Variants in RIPOR2 observed in about 807,000 individuals in gnomAD.
RIPOR2 encodes RHO family interacting cell polarization regulator 2, also known as rho family-interacting cell polarization regulator 2.
RIPOR2 carries 39 observed loss-of-function variants against 114.5 expected under a neutral mutation model. The ratio of observed to expected loss-of-function variants is 0.34; its 90% CI spans 0.26 to 0.44. RIPOR2 has a LOEUF of 0.44. Ranked by LOEUF, RIPOR2 falls within the 20% of genes least tolerant of loss-of-function variation. RIPOR2 has a pLI of 1.00. For synonymous variants in RIPOR2, 445 were observed against 484.4 expected, an observed-to-expected ratio of 0.92 and a Z score of 1.07; for missense variants, 1,007 against 1,255.1, an observed-to-expected ratio of 0.80 and a Z score of 2.99.
chr6:25,009,185 G>T (rs1775678918), intron 1 of RIPOR2, among the ~76,000 whole-genome samples: 1 of 152,244 alleles, frequency 6.6e-6, no homozygotes, highest in African/African-American at 2.4e-5. Context: ...GGAGCACAAA[G>T]GGAAGAGGAG....
chr6:24,848,352 C>A (rs1440402976), intron 11 of RIPOR2, among the ~76,000 whole-genome samples, 198 bp from the exon 12 acceptor site: 1 of 152,212 alleles, frequency 6.6e-6, no homozygotes, highest in African/African-American at 2.4e-5. Context: ...AGTCTAGACT[C>A]ACCCAAGGGA....
At chr6:24,953,179 C>G (rs1490078261) in intron 1 of RIPOR2, among the ~76,000 whole-genome samples, 3 of 151,982 alleles carry the variant, frequency 2.0e-5, no homozygotes, top group African/African-American at 7.3e-5. Flanking sequence ...ACTAAAAATA[C>G]AAAATTAGCC....
chr6:24,900,231 C>T (rs1157489918), intron 1 of RIPOR2, among the ~76,000 whole-genome samples: 1 of 152,182 alleles, frequency 6.6e-6, no homozygotes, highest in Non-Finnish European at 1.5e-5. Flanking sequence ...TCCACAGCCG[C>T]AGCACAGCCC....
intron 7 of RIPOR2, among the ~76,000 whole-genome samples, chr6:24,864,572 T>G (rs1581641641): frequency 6.6e-6 from 1 of 152,152 alleles, no homozygotes; most frequent in East Asian, 1.9e-4. Flanking sequence ...AAATCTGATC[T>G]CTGAACAAAG....
chr6:24,945,345 C>G (rs1002464837), intron 1 of RIPOR2, among the ~76,000 whole-genome samples: 1 of 152,038 alleles, frequency 6.6e-6, no homozygotes, highest in Non-Finnish European at 1.5e-5. Flanking sequence ...GTAGATTTGC[C>G]TTGTAAGAAA....
chr6:25,005,410 G>A (rs1262827368), intron 1 of RIPOR2, among the ~76,000 whole-genome samples: 2 of 152,062 alleles, frequency 1.3e-5, no homozygotes, highest in African/African-American at 4.8e-5. Context: ...GCACAGACCT[G>A]CAGAGCATCT....
At chr6:24,985,428 GACA>G (rs1774488910) in intron 1 of RIPOR2, among the ~76,000 whole-genome samples, 1 of 151,862 alleles carries the variant, frequency 6.6e-6, no homozygotes, top group Non-Finnish European at 1.5e-5. Flanking sequence ...AAAATCTCTT[GACA>G]ACAACAAGTT....
Position 24,843,140 on chromosome 6 carries a change from C to T in RIPOR2, c.1579G>A (p.Ala527Thr), listed in dbSNP as rs375474134. The T allele has an allele frequency of 1.2e-6, 2 of 1,613,990 alleles. No individual in the cohort carries two copies. Among genetic ancestry groups the T allele is most frequent in the Admixed American group, 3.3e-5 (2 of 60,024 alleles). Residue 527 changes from alanine (A) to threonine (T), a missense_variant, in exon 13 of 22, where the codon GCC (alanine) becomes ACC (threonine). Transcript: ENST00000643898. Reference protein sequence around the residue: ...AEALLQESEEASELKPVELDT... With the variant: ...AEALLQESEETSELKPVELDT... The stretch of plus-strand genomic sequence containing the variant: ...AGTTCCACAGGCTTGAGCTCAGAGG[C>T]CTCCTCAGACTCTTGCAGAAGTGCT...
chr6:24,963,977 G>A (rs961177103), intron 1 of RIPOR2, among the ~76,000 whole-genome samples: 119 of 151,948 alleles, frequency 7.8e-4, no homozygotes, highest in African/African-American at 2.8e-3. Context: ...TCGAATTCCT[G>A]GACTAAAGCG....
At chr6:24,857,221 T>C (rs1406511542) in intron 8 of RIPOR2, among the ~76,000 whole-genome samples, 6 of 152,224 alleles carry the variant, frequency 3.9e-5, no homozygotes, top group Non-Finnish European at 5.9e-5. Flanking sequence ...GCCAGGTTTC[T>C]TACAGGCTCT....
At chr6:24,893,477 G>A (rs1226937081) in intron 1 of RIPOR2, among the ~76,000 whole-genome samples, 1 of 152,166 alleles carries the variant, frequency 6.6e-6, no homozygotes, top group African/African-American at 2.4e-5. Flanking sequence ...TCCTCCTCAG[G>A]TCTCTGTGCA....
In RIPOR2 at chr6:24,873,799, C is replaced by T. The variant is rs759893235; in HGVS notation, c.189G>A (p.Arg63=). 13 of 1,602,168 alleles carry T rather than the reference C, an allele frequency of 8.1e-6. No homozygotes were observed. The Admixed American group carries it at 1.1e-4, about 13-fold the overall frequency. ...GFSGLQERRS[R]CNSFIENSSA... ...AGGAATTTTCAATGAAGGAGTTACA[C>T]CTATGGAAAGAACAGAAGAAATTGT... Residue 63 remains arginine, a splice_region_variant and synonymous_variant, in exon 3 of 22, where the codon AGG becomes AGA. Coordinates refer to ENST00000643898, the MANE Select transcript of RIPOR2 (RefSeq NM_001286445.3).
In RIPOR2 at chr6:24,977,663, C is replaced by T. The variant is rs149186302; in HGVS notation, c.76+64188G>A. 1.8e-3 allele frequency among the ~76,000 whole-genome samples: 271 copies of T among 152,200 alleles called. 1 individual carries two copies. The highest frequency in any genetic ancestry group is 3.8e-3 in the African/African-American group (159 of 41,508). On this transcript the variant is annotated intron_variant, in intron 1 of 13. Transcript: ENST00000510784. Reference sequence around the variant, plus strand: ...GAAAAGAGCCAGGTCCCGTCACTGGCCCATCAGTGATGGGAGGGTAGCTAT... The same window carrying T: ...GAAAAGAGCCAGGTCCCGTCACTGGTCCATCAGTGATGGGAGGGTAGCTAT...
chr6:24,949,739 C>G (rs1772649211), intron 1 of RIPOR2, among the ~76,000 whole-genome samples: 1 of 152,202 alleles, frequency 6.6e-6, no homozygotes, highest in Non-Finnish European at 1.5e-5. Flanking sequence ...AAGAAGTGGC[C>G]CCTCAGAGAT....
intron 9 of RIPOR2, 123 bp from the exon 10 acceptor site, chr6:24,850,845 T>C: frequency 9.2e-7 from 1 of 1,083,488 alleles, no homozygotes; most frequent in East Asian, 2.4e-5. Context: ...TTACTCTCCC[T>C]CCACCCCCTT....
At chr6:24,983,755 TCAAAAAAAAAAAAAA>T (rs1774408460) in intron 1 of RIPOR2, among the ~76,000 whole-genome samples, 1 of 18,760 alleles carries the variant, frequency 5.3e-5, no homozygotes, top group Admixed American at 8.5e-4. Flanking sequence ...AGACTGTGTC[TCAAAAAAAAAAAAAA>T]AAAAAAAAAA....
chr6:25,031,999 A>G (rs1232707577), intron 1 of RIPOR2, among the ~76,000 whole-genome samples: 3 of 151,296 alleles, frequency 2.0e-5, no homozygotes, highest in Non-Finnish European at 4.4e-5. Context: ...AGACCCATAC[A>G]CTTGCTTTCA....
chr6:24,859,123 C>T (rs1250236720), intron 8 of RIPOR2, among the ~76,000 whole-genome samples: 1 of 152,148 alleles, frequency 6.6e-6, no homozygotes, highest in African/African-American at 2.4e-5. Context: ...AGTGTGACTC[C>T]TGGGACAAGT....
intron 14 of RIPOR2, among the ~76,000 whole-genome samples, chr6:24,837,597 A>G (rs1483628373): frequency 1.3e-5 from 2 of 152,020 alleles, no homozygotes; most frequent in African/African-American, 4.8e-5. Flanking sequence ...TTTAGTAGAG[A>G]TGGCATTTTG....
Sources: gnomAD v4.1 joint callset for allele counts (sites outside exome capture counted in the v4.1 genomes callset) on GRCh38, gnomAD v4.1.1 for gene constraint, MANE v1.5 for transcripts, NCBI Gene and HGNC (gene_info 2026-07-23, HGNC 2026-07-21) for gene names.